IGSF10: variants seen among roughly 807,000 people sequenced by gnomAD.
IGSF10 encodes calvaria mechanical force protein 608.
A neutral mutation model predicts 128.2 loss-of-function variants in IGSF10; 126 were observed. That is an observed-to-expected ratio of 0.98 (90% CI 0.85 to 1.14). The LOEUF is 1.14. IGSF10 is among the 50% of genes most tolerant of loss of function. The pLI, the probability that IGSF10 is intolerant of heterozygous loss-of-function variation, is 0.00. For synonymous variants in IGSF10, 1,185 were observed against 1,146.2 expected (o/e 1.03, Z -0.68); for missense variants, 3,295 against 3,149.8 (o/e 1.05, Z -1.10).
chr3:151,608,811 T>C, the IGSF10 span, among the ~76,000 whole-genome samples: 5 of 152,218 alleles, frequency 3.3e-5, no homozygotes, highest in African/African-American at 1.2e-4. Flanking sequence ...AAGGTGATTA[T>C]AGAATATGAT....
chr3:151,605,684 C>G, the IGSF10 span, among the ~76,000 whole-genome samples: 1 of 152,208 alleles, frequency 6.6e-6, no homozygotes, highest in East Asian at 1.9e-4. Flanking sequence ...GGCTAGGTGA[C>G]TTGATCAAGG....
chr3:151,454,333 A>C (rs188629919), intron 4 of IGSF10, among the ~76,000 whole-genome samples: 15 of 152,266 alleles, frequency 9.9e-5, no homozygotes, highest in African/African-American at 2.9e-4. Context: ...TGACTGTTAA[A>C]ATTTAAGATA....
At chr3:151,506,108 C>T in the IGSF10 span, among the ~76,000 whole-genome samples, 11 of 152,040 alleles carry the variant, frequency 7.2e-5, no homozygotes, top group African/African-American at 2.4e-4. Flanking sequence ...CACGCCACTA[C>T]GCTCAGCTAA....
At chr3:151,585,176 A>C in the IGSF10 span, among the ~76,000 whole-genome samples, 3 of 152,286 alleles carry the variant, frequency 2.0e-5, no homozygotes, top group South Asian at 6.2e-4. Context: ...AATTTGAAAG[A>C]TTTAGTACAA....
downstream of IGSF10, chr3:151,432,653 T>TGGTACC: frequency 1.2e-6 from 1 of 855,758 alleles, no homozygotes; most frequent in Non-Finnish European, 1.9e-6. Flanking sequence ...TGTTTCCCTG[T>TGGTACC]ACCTGCAGCT....
At chr3:151,573,417 T>C in the IGSF10 span, among the ~76,000 whole-genome samples, 2 of 152,242 alleles carry the variant, frequency 1.3e-5, no homozygotes, top group African/African-American at 2.4e-5. Context: ...TTCTCCTGCA[T>C]TGGGTGCATA....
upstream of IGSF10, among the ~76,000 whole-genome samples, chr3:151,462,706 C>T (rs1032581051): frequency 1.3e-5 from 2 of 152,016 alleles, no homozygotes; most frequent in African/African-American, 4.8e-5. Context: ...TATCCCATGC[C>T]GAGCATTCAT....
chr3:151,495,936 T>C, the IGSF10 span, among the ~76,000 whole-genome samples: 5 of 152,286 alleles, frequency 3.3e-5, no homozygotes. Flanking sequence ...TATTGAGATT[T>C]GCTGGATTTT....
In IGSF10 at chr3:151,443,588, C is replaced by T; in HGVS notation, c.5359G>A (p.Val1787Ile). Residue 1787 changes from valine (V) to isoleucine (I), a missense_variant, in exon 7 of 8, where the codon GTC (valine) becomes ATC (isoleucine). Val to Ile is a conservative substitution (Grantham distance 29). Transcript: ENST00000282466. ...CTACTTCCCTGGGATGATTCTGAGA[C>T]AACTGTTTGGTTTGCAAGAATCCAG... ...VTWILANQTV[V>I]SESSQGSRQA... The T allele has an allele frequency of 6.2e-7, 1 of 1,614,242 alleles. No homozygotes were observed. Among genetic ancestry groups the T allele is most frequent in the East Asian group, 2.2e-5 (1 of 44,880 alleles).
At chr3:151,533,912 A>C in the IGSF10 span, among the ~76,000 whole-genome samples, 2 of 152,210 alleles carry the variant, frequency 1.3e-5, no homozygotes, top group Non-Finnish European at 2.9e-5. Context: ...CCATCTGACA[A>C]AGGGCTAATA....
the IGSF10 span, among the ~76,000 whole-genome samples, chr3:151,544,691 CT>C: frequency 0.061 from 8,386 of 138,330 alleles, 262 homozygotes; most frequent in East Asian, 0.12. Flanking sequence ...GATTTTCTCT[CT>C]TTTTTTTTTT....
the IGSF10 span, among the ~76,000 whole-genome samples, chr3:151,474,729 T>C: frequency 1.3e-5 from 2 of 152,214 alleles, no homozygotes; most frequent in Admixed American, 6.5e-5. Flanking sequence ...AGAGGTTTAA[T>C]TGGACTTACA....
the IGSF10 span, among the ~76,000 whole-genome samples, chr3:151,588,909 A>G: frequency 6.6e-6 from 1 of 152,236 alleles, no homozygotes; most frequent in Non-Finnish European, 1.5e-5. Flanking sequence ...GTACAAAAGT[A>G]GGAGTTTCCT....
At chr3:151,499,911 G>A in the IGSF10 span, 2 of 152,070 alleles carry the variant, frequency 1.3e-5, no homozygotes, top group Non-Finnish European at 2.9e-5. Flanking sequence ...TTAATGATGA[G>A]CGACTTGGTG....
Position 151,437,052 on chromosome 3 carries a change from G to C in IGSF10, c.7509C>G (p.Asn2503Lys). 1.2e-6 allele frequency: 2 copies of C among 1,614,134 alleles called. No homozygotes were observed. The highest frequency in any genetic ancestry group is 2.7e-5 in the African/African-American group (2 of 75,050). Reference sequence around the variant, plus strand: ...CACTATTTTGAGCCTTACAGATATAGTTTCCTCTGTCATAAGCTGTTGCTT... The same window carrying C: ...CACTATTTTGAGCCTTACAGATATACTTTCCTCTGTCATAAGCTGTTGCTT... ...IKEATAYDRG[N>K]YICKAQNSVG... The change falls in exon 8 of 8, where the codon AAC becomes AAG. Residue 2503 changes from asparagine (N) to lysine (K), a missense_variant. Asn to Lys is a moderately conservative substitution (Grantham distance 94). Coordinates refer to ENST00000282466, the MANE Select transcript of IGSF10 (RefSeq NM_178822.5).
the IGSF10 span, among the ~76,000 whole-genome samples, chr3:151,531,750 A>G: frequency 1.3e-5 from 2 of 152,172 alleles, no homozygotes; most frequent in Non-Finnish European, 2.9e-5. Flanking sequence ...TAAAATTGAC[A>G]CCCTAACATC....
chr3:151,530,862 C>T, the IGSF10 span, among the ~76,000 whole-genome samples: 2 of 152,126 alleles, frequency 1.3e-5, no homozygotes, highest in African/African-American at 4.8e-5. Context: ...TCACATATAA[C>T]AATATTAATC....
At chr3:151,525,230 T>C in the IGSF10 span, among the ~76,000 whole-genome samples, 5 of 152,004 alleles carry the variant, frequency 3.3e-5, no homozygotes, top group Admixed American at 6.6e-5. Context: ...TTAGATTTTA[T>C]TGCAAACACC....
At chr3:151,509,239 C>G in the IGSF10 span, among the ~76,000 whole-genome samples, 1 of 152,074 alleles carries the variant, frequency 6.6e-6, no homozygotes, top group Non-Finnish European at 1.5e-5. Context: ...TAATTGAATT[C>G]CAAGAAAATA....
Sources: allele counts gnomAD v4.1 joint callset (sites outside exome capture counted in the v4.1 genomes callset), GRCh38; gene constraint gnomAD v4.1.1; transcripts MANE v1.5; gene names NCBI Gene and HGNC (gene_info 2026-07-23, HGNC 2026-07-21).